ZNF235: variants seen among roughly 807,000 people sequenced by gnomAD.
The protein encoded by ZNF235 is zfp-93.
A neutral mutation model predicts 29.4 loss-of-function variants in ZNF235; 25 were observed. That is an observed-to-expected ratio of 0.85 (90% CI 0.62 to 1.19). The LOEUF (loss-of-function observed/expected upper bound fraction) is 1.19, where lower values mean the gene tolerates loss of function less well. Ranked by LOEUF, ZNF235 falls within the 50% of genes most tolerant of loss-of-function variation. The probability of loss-of-function intolerance (pLI) is 0.00; values close to 1 mark genes in which losing one functional copy is unlikely to be tolerated. For missense variants in ZNF235, 788 were observed against 885.0 expected (o/e 0.89, Z 1.39); for synonymous variants, 300 against 295.3 (o/e 1.02, Z -0.16).
chr19:44,294,386 A>T (rs2123097613), intron 4 of ZNF235, among the ~76,000 whole-genome samples: 1 of 152,198 alleles, frequency 6.6e-6, no homozygotes, highest in East Asian at 1.9e-4. Flanking sequence ...CAGAAATCCT[A>T]AACAGACCAG....
chr19:44,296,619 T>A (rs1346766123), intron 4 of ZNF235, among the ~76,000 whole-genome samples: 1 of 152,182 alleles, frequency 6.6e-6, no homozygotes, highest in Non-Finnish European at 1.5e-5. Flanking sequence ...TTATACATTT[T>A]TGAAGTATAT....
At chr19:44,302,585 C>A (rs1439425789) in intron 2 of ZNF235, among the ~76,000 whole-genome samples, 1 of 151,444 alleles carries the variant, frequency 6.6e-6, no homozygotes, top group African/African-American at 2.4e-5. Flanking sequence ...CACAGGAACA[C>A]CCCATCTCTA....
rs780006418 is a variant in ZNF235 at position 44,288,470 on chromosome 19, T to C, written c.965A>G (p.His322Arg). The C allele has an allele frequency of 5.6e-6, 9 of 1,614,090 alleles. No individual in the cohort carries two copies. The highest frequency in any genetic ancestry group is 7.6e-6 in the Non-Finnish European group (9 of 1,180,034). Residue 322 changes from histidine to arginine, a missense_variant, in exon 5 of 5, where the codon CAT (histidine) becomes CGT (arginine). Coordinates refer to ENST00000291182, the MANE Select transcript of ZNF235 (RefSeq NM_004234.4). ...VRTGKKRYWC[H>R]ECGKGFSQSS... ...CTGACTGAAACCTTTACCACATTCA[T>C]GACACCAATAGCGTTTTTTCCCAGT...
At chr19:44,297,081 C>G (rs1375779390) in intron 4 of ZNF235, 2 of 152,352 alleles carry the variant, frequency 1.3e-5, no homozygotes, top group Admixed American at 6.5e-5. Flanking sequence ...AAGTAACAAG[C>G]CATCGCCATT....
intron 4 of ZNF235, among the ~76,000 whole-genome samples, chr19:44,295,761 G>GA (rs1975645822): frequency 1.3e-5 from 2 of 152,232 alleles, no homozygotes; most frequent in East Asian, 1.9e-4. Flanking sequence ...CAATGGAATA[G>GA]AAAAGAGAAC....
At chr19:44,299,542 CCAAAACATCAATGGCATG>C (rs1280276022) in intron 3 of ZNF235, 46 bp downstream of exon 3, 7 of 1,594,878 alleles carry the variant, frequency 4.4e-6, no homozygotes, top group Non-Finnish European at 5.1e-6. Context: ...ATTATCTGGC[CCAAAACATCAATGGCATG>C]GAGGTTGAGA....
chr19:44,293,950 TAA>T lies in ZNF235; in HGVS notation c.239-4756_239-4755del, dbSNP rs58642226. 3.8e-3 allele frequency among the ~76,000 whole-genome samples: 543 copies of T among 144,458 alleles called. 2 individuals carry two copies. The highest frequency in any genetic ancestry group is 8.0e-3 in the African/African-American group (317 of 39,658). 94.8% of individuals were successfully genotyped at this position (144,458 alleles called of 152,430 possible). ...AGTTTATAGTGTTAAATGTCTACAC[TAA>T]AAAAAAAAAAAGATAAAAAATTAAC... is the stretch of plus-strand genomic sequence containing the variant. On this transcript the variant is annotated intron_variant, in intron 4 of 4. Transcript: ENST00000291182.
intron 3 of ZNF235, among the ~76,000 whole-genome samples, 159 bp downstream of exon 3, chr19:44,299,447 G>C (rs560502059): frequency 6.6e-6 from 1 of 152,330 alleles, no homozygotes; most frequent in Non-Finnish European, 1.5e-5. Flanking sequence ...TCTCTGAGCA[G>C]TCCCAAAGCC....
chr19:44,291,138 C>T (rs2609874), intron 4 of ZNF235, among the ~76,000 whole-genome samples: 109,193 of 151,996 alleles, frequency 0.72, 39,484 homozygotes, highest in African/African-American at 0.78. Context: ...TACTCCAAGA[C>T]AGACCATATT....
At chr19:44,292,878 C>A (rs1405595373) in intron 4 of ZNF235, among the ~76,000 whole-genome samples, 1 of 152,014 alleles carries the variant, frequency 6.6e-6, no homozygotes, top group Non-Finnish European at 1.5e-5. Flanking sequence ...AGCTCCATCA[C>A]ACAATTCAAC....
At chr19:44,303,860 A>G (rs1271494301) in intron 1 of ZNF235, among the ~76,000 whole-genome samples, 1 of 152,206 alleles carries the variant, frequency 6.6e-6, no homozygotes, top group East Asian at 1.9e-4. Flanking sequence ...TTACCTGTGA[A>G]TGGGGACAAT....
At position 44,289,014 on chromosome 19, in the gene ZNF235, A is replaced by G; in HGVS notation, c.421T>C (p.Cys141Arg). The G allele has an allele frequency of 6.2e-7, 1 of 1,614,168 alleles. No individual in the cohort carries two copies. Among genetic ancestry groups the G allele is most frequent in the Non-Finnish European group, 8.5e-7 (1 of 1,180,018 alleles). Residue 141 changes from cysteine to arginine, a missense_variant, in exon 5 of 5, where the codon TGT (cysteine) becomes CGT (arginine). By Grantham distance (180) the Cys-to-Arg change is radical (BLOSUM62 -3). Transcript: ENST00000291182. Reference sequence around the variant, plus strand: ...ATAGATTCTCCTGCTCCCACTTGACAGGGGGAATCATGGTGCTTGGGGAAC... The same window carrying G: ...ATAGATTCTCCTGCTCCCACTTGACGGGGGGAATCATGGTGCTTGGGGAAC... ...SQFPKHHDSP[C>R]QVGAGESIQA...
chr19:44,297,870 C>T (rs998486897), intron 4 of ZNF235, among the ~76,000 whole-genome samples: 1 of 152,112 alleles, frequency 6.6e-6, no homozygotes. Context: ...ATAATCCCAG[C>T]ATTTTGGGGA....
chr19:44,289,248 A>G, intron 4 of ZNF235, 52 bp from the exon 5 acceptor site: 1 of 1,478,750 alleles, frequency 6.8e-7, no homozygotes, highest in Non-Finnish European at 9.1e-7. Context: ...TGACATTAGC[A>G]AAGTAGAGAA....
intron 2 of ZNF235, among the ~76,000 whole-genome samples, chr19:44,303,124 CATAT>C (rs559740319): frequency 1.1e-3 from 156 of 139,116 alleles, no homozygotes; most frequent in African/African-American, 4.0e-3. Context: ...TAAATATATA[CATAT>C]ATATTTGTAT....
In ZNF235 at chr19:44,287,043, G is replaced by A; in HGVS notation, c.*175C>T. The A allele has an allele frequency of 1.6e-6, 1 of 621,444 alleles. No individual in the cohort carries two copies. Among genetic ancestry groups the A allele is most frequent in the Non-Finnish European group, 2.6e-6 (1 of 381,184 alleles). The allele number at this position is 621,444 out of a possible 1,614,324, so 38.5% of individuals were successfully genotyped here. A position where few individuals can be genotyped will look rare whatever the true frequency, so the allele number is the denominator to read the frequency against. ...CTCGCATCTGTGAAATATGACGTTT[G>A]TAAAGAATTCATGTCCTAACCAAGT... On this transcript the variant is annotated 3_prime_UTR_variant, in exon 5 of 5. Transcript: ENST00000291182.
chr19:44,288,048 C>T lies in ZNF235; in HGVS notation c.1387G>A (p.Glu463Lys). Residue 463 changes from glutamate (E) to lysine (K), a missense_variant, in exon 5 of 5, where the codon GAG becomes AAG. Transcript: ENST00000291182. ...HTEEKPYKCD[E>K]CGKCFSLSFN... ...CTCAAACTAAAGCACTTACCACACT[C>T]ATCACATTTGTATGGTTTTTCTTCA... is the stretch of plus-strand genomic sequence containing the variant. The T allele has an allele frequency of 6.2e-7, 1 of 1,614,086 alleles. No homozygotes were observed. Among genetic ancestry groups the T allele is most frequent in the South Asian group, 1.1e-5 (1 of 91,068 alleles).
Position 44,289,027 on chromosome 19 carries a change from G to GT in ZNF235, c.407dup (p.His136GlnfsTer3), listed in dbSNP as rs1975546802. 1 of 1,614,012 alleles carries GT rather than the reference G, an allele frequency of 6.2e-7. No individual in the cohort carries two copies. Among genetic ancestry groups the GT allele is most frequent in the Admixed American group, 1.7e-5 (1 of 60,006 alleles). On this transcript the variant is annotated frameshift_variant, in exon 5 of 5. Transcript: ENST00000291182. LOFTEE classifies it low-confidence loss of function (END_TRUNC). ...CTCCCACTTGACAGGGGGAATCATG[G>GT]TGCTTGGGGAACTGAGAGCTCTTTC...
At chr19:44,292,578 C>T (rs535360200) in intron 4 of ZNF235, among the ~76,000 whole-genome samples, 7 of 151,550 alleles carry the variant, frequency 4.6e-5, no homozygotes, top group Non-Finnish European at 1.0e-4. Context: ...AAAAACAAAG[C>T]TTCTAAGAAG....
Sources: allele counts gnomAD v4.1 joint callset (sites outside exome capture counted in the v4.1 genomes callset), GRCh38; gene constraint gnomAD v4.1.1; transcripts MANE v1.5; gene names NCBI Gene and HGNC (gene_info 2026-07-23, HGNC 2026-07-21).